ALK: variants seen among roughly 807,000 people sequenced by gnomAD.
ALK encodes ALK receptor tyrosine kinase.
In ALK, 74 loss-of-function variants were observed where a neutral mutation model predicts 163.1. The observed-to-expected ratio is 0.45, with a 90% CI of 0.38 to 0.55. ALK has a LOEUF of 0.55. ALK is among the 20% of genes least tolerant of loss of function. The pLI is 0.00. For missense variants in ALK, 2,063 were observed against 2,105.3 expected (o/e 0.98, Z 0.39); for synonymous variants, 960 against 843.2 (o/e 1.14, Z -2.40).
intron 15 of ALK, among the ~76,000 whole-genome samples, 194 bp from the exon 16 acceptor site, chr2:29,229,260 C>T (rs979102199): frequency 6.6e-6 from 1 of 152,156 alleles, no homozygotes; most frequent in Non-Finnish European, 1.5e-5. Context: ...CCTAGGAGAC[C>T]TGTTTGGCCA....
intron 22 of ALK, 145 bp from the exon 23 acceptor site, chr2:29,220,980 G>T: frequency 8.5e-7 from 1 of 1,170,554 alleles, no homozygotes; most frequent in Non-Finnish European, 1.2e-6. Flanking sequence ...AGGGGTCCCG[G>T]GCTGAGCCTA....
chr2:29,574,508 G>A (rs190361481), intron 3 of ALK, among the ~76,000 whole-genome samples: 3 of 152,308 alleles, frequency 2.0e-5, no homozygotes, highest in East Asian at 3.9e-4. Flanking sequence ...TGGTCCTGCC[G>A]GCCCTATAAA....
intron 4 of ALK, among the ~76,000 whole-genome samples, chr2:29,495,353 T>C (rs1671998997): frequency 6.6e-6 from 1 of 152,192 alleles, no homozygotes; most frequent in Non-Finnish European, 1.5e-5. Flanking sequence ...ATTTCTCTAG[T>C]TCCTTTCCCG....
intron 3 of ALK, among the ~76,000 whole-genome samples, chr2:29,645,575 G>C (rs1030117090): frequency 2.0e-5 from 3 of 152,076 alleles, no homozygotes; most frequent in African/African-American, 7.2e-5. Flanking sequence ...GAGAAGACTG[G>C]CCCTAGAGAA....
intron 2 of ALK, among the ~76,000 whole-genome samples, chr2:29,716,640 C>T (rs932323227): frequency 1.3e-5 from 2 of 152,118 alleles, no homozygotes; most frequent in Non-Finnish European, 2.9e-5. Flanking sequence ...GGCTTGGTAG[C>T]TGGAGAAGCC....
intron 4 of ALK, among the ~76,000 whole-genome samples, chr2:29,488,414 T>A (rs986169211): frequency 2.6e-5 from 4 of 152,098 alleles, no homozygotes; most frequent in Non-Finnish European, 1.5e-5. Flanking sequence ...CTCCTAAACG[T>A]CTAATTAATT....
In ALK at chr2:29,920,271, C is replaced by T. The variant is rs1553380330; in HGVS notation, c.389G>A (p.Gly130Asp). 6.3e-7 allele frequency: 1 copy of T among 1,593,966 alleles called. No individual in the cohort carries two copies. Among genetic ancestry groups the T allele is most frequent in the Non-Finnish European group, 8.5e-7 (1 of 1,171,244 alleles). Reference sequence around the variant, plus strand: ...GGCACGCCGGAGCTTGCGCACGGAGCCGCCCTTCAGCACCCTGGACAGCGT... The same window carrying T: ...GGCACGCCGGAGCTTGCGCACGGAGTCGCCCTTCAGCACCCTGGACAGCGT... ...ARTLSRVLKG[G>D]SVRKLRRAKQ... The change falls in exon 1 of 29, where the codon GGC becomes GAC. Residue 130 changes from glycine to aspartate, a missense_variant. By Grantham distance (94) the Gly-to-Asp change is moderately conservative. Coordinates refer to ENST00000389048, the MANE Select transcript of ALK (RefSeq NM_004304.5).
intron 4 of ALK, among the ~76,000 whole-genome samples, chr2:29,488,390 G>T (rs1280238497): frequency 6.6e-6 from 1 of 152,074 alleles, no homozygotes; most frequent in Non-Finnish European, 1.5e-5. Context: ...TCAAACACTG[G>T]TGACTCACCA....
At chr2:29,696,004 CCCAGCAATCA>C (rs780792185) in intron 2 of ALK, among the ~76,000 whole-genome samples, 20 of 152,230 alleles carry the variant, frequency 1.3e-4, no homozygotes, top group South Asian at 4.2e-4. Context: ...CCCAGCAATC[CCCAGCAATCA>C]CCAGCAATCC....
intron 6 of ALK, among the ~76,000 whole-genome samples, chr2:29,322,551 C>T (rs748946868): frequency 6.6e-6 from 1 of 152,204 alleles, no homozygotes; most frequent in African/African-American, 2.4e-5. Flanking sequence ...AACCAAGGCC[C>T]GACAGGGCAC....
At chr2:29,550,988 T>A (rs1388431616) in intron 3 of ALK, among the ~76,000 whole-genome samples, 1 of 152,214 alleles carries the variant, frequency 6.6e-6, no homozygotes, top group Non-Finnish European at 1.5e-5. Context: ...TCACATTTAA[T>A]CTGTTGTTTT....
intron 26 of ALK, among the ~76,000 whole-genome samples, chr2:29,206,680 A>C: frequency 6.6e-6 from 1 of 152,002 alleles, no homozygotes; most frequent in East Asian, 1.9e-4. Flanking sequence ...TAATCTTCTC[A>C]GTAAGGTACC....
At chr2:29,833,109 G>T (rs1665463910) in intron 1 of ALK, among the ~76,000 whole-genome samples, 1 of 152,178 alleles carries the variant, frequency 6.6e-6, no homozygotes, top group Non-Finnish European at 1.5e-5. Flanking sequence ...CAGGGGACAA[G>T]ACCTCCGGAC....
chr2:29,882,951 A>G (rs547517089), intron 1 of ALK, among the ~76,000 whole-genome samples: 1 of 152,168 alleles, frequency 6.6e-6, no homozygotes, highest in Non-Finnish European at 1.5e-5. Flanking sequence ...CACTCTACCT[A>G]TTACTCTAAT....
chr2:29,899,605 T>A (rs1228564338), intron 1 of ALK: 2 of 152,436 alleles, frequency 1.3e-5, no homozygotes, highest in African/African-American at 4.8e-5. Context: ...GGCAGGCGGA[T>A]CACAAGGTCA....
chr2:29,286,630 T>C (rs1192423194), intron 9 of ALK: 2 of 152,190 alleles, frequency 1.3e-5, no homozygotes, highest in African/African-American at 4.8e-5. Context: ...TTTCTCTTGT[T>C]TATTTATTTA....
intron 1 of ALK, among the ~76,000 whole-genome samples, chr2:29,741,105 G>A (rs996003914): frequency 1.3e-5 from 2 of 152,182 alleles, no homozygotes; most frequent in African/African-American, 4.8e-5. Context: ...AATCTGAAAG[G>A]ACTATAGACT....
At position 29,226,780 on chromosome 2, in the gene ALK, A is replaced by G. The variant is rs1664008370; in HGVS notation, c.3067+142T>C. 6.9e-6 allele frequency: 7 copies of G among 1,017,958 alleles called. No individual in the cohort carries two copies. In the Admixed American group the frequency reaches 1.2e-4, roughly 18 times the overall value. The allele number at this position is 1,017,958 out of a possible 1,614,324, so 63.1% of individuals were successfully genotyped here. On this transcript the variant is annotated intron_variant, in intron 18 of 28. Transcript: ENST00000389048. ...CCACCTTTCACACAGTGGTCAGAGC[A>G]CTCGAGCTGTGGCAGGTAGGGGAGG...
chr2:29,552,433 C>T (rs1673737079), intron 3 of ALK, among the ~76,000 whole-genome samples: 1 of 152,134 alleles, frequency 6.6e-6, no homozygotes, highest in Admixed American at 6.6e-5. Context: ...AGACTGTTTT[C>T]CATGGCAACT....
Sources: gnomAD v4.1 joint callset for allele counts (sites outside exome capture counted in the v4.1 genomes callset) on GRCh38, gnomAD v4.1.1 for gene constraint, MANE v1.5 for transcripts, NCBI Gene and HGNC (gene_info 2026-07-23, HGNC 2026-07-21) for gene names.